The following FTO variants were observed in gnomAD, a reference collection of about 807,000 sequenced individuals.
FTO encodes alpha-ketoglutarate-dependent dioxygenase FTO.
In FTO, 47 loss-of-function variants were observed where a neutral mutation model predicts 63.9. The ratio of observed to expected loss-of-function variants is 0.74; its 90% CI spans 0.58 to 0.94. The LOEUF (loss-of-function observed/expected upper bound fraction) is 0.94. Ranked by LOEUF, FTO falls within the 40% of genes least tolerant of loss-of-function variation. The pLI is 0.00. For synonymous variants in FTO, 207 were observed against 224.4 expected (o/e 0.92, Z 0.69); for missense variants, 562 against 618.1 (o/e 0.91, Z 0.96).
intron 8 of FTO, among the ~76,000 whole-genome samples, chr16:53,936,859 G>A (rs2082402475): frequency 6.6e-6 from 1 of 152,202 alleles, no homozygotes; most frequent in South Asian, 2.1e-4. Context: ...AGCCGCCGCA[G>A]CTGGCAGTAA....
At chr16:53,886,759 A>G (rs2081008293) in intron 6 of FTO, among the ~76,000 whole-genome samples, 1 of 152,188 alleles carries the variant, frequency 6.6e-6, no homozygotes, top group African/African-American at 2.4e-5. Flanking sequence ...CATTTCCACC[A>G]TCGTTAAATC....
intron 7 of FTO, among the ~76,000 whole-genome samples, chr16:53,915,379 T>C (rs2081838373): frequency 6.6e-6 from 1 of 152,158 alleles, no homozygotes; most frequent in African/African-American, 2.4e-5. Context: ...ATAAATAGAG[T>C]ATCCTCCCAG....
intron 3 of FTO, among the ~76,000 whole-genome samples, chr16:53,836,209 T>C (rs118186690): frequency 0.022 from 3,354 of 152,268 alleles, 43 homozygotes; most frequent in Non-Finnish European, 0.031. Flanking sequence ...GAATTTTCAG[T>C]ATTGAAATAT....
At chr16:53,806,520 G>A (rs1337451113) in intron 1 of FTO, among the ~76,000 whole-genome samples, 1 of 152,172 alleles carries the variant, frequency 6.6e-6, no homozygotes, top group African/African-American at 2.4e-5. Context: ...CTTCTGGAGA[G>A]CTTTTTAGTT....
intron 1 of FTO, among the ~76,000 whole-genome samples, chr16:53,705,843 C>T (rs1165509516): frequency 6.6e-6 from 1 of 152,176 alleles, no homozygotes; most frequent in Non-Finnish European, 1.5e-5. Flanking sequence ...ATTTGTTGAG[C>T]ACCTATTATT....
chr16:53,925,069 TAA>T (rs763272865), intron 7 of FTO, among the ~76,000 whole-genome samples: 73 of 123,352 alleles, frequency 5.9e-4, no homozygotes, highest in Non-Finnish European at 5.8e-4. Context: ...CTTTTTTTTG[TAA>T]AAAAAAAAAA....
At chr16:53,824,021 G>T (rs1179273538) in intron 2 of FTO, among the ~76,000 whole-genome samples, 2 of 152,164 alleles carry the variant, frequency 1.3e-5, no homozygotes, top group Non-Finnish European at 2.9e-5. Flanking sequence ...TTTTAGTCCA[G>T]ACCATCACTT....
rs58121446 is a variant in FTO at position 53,909,532 on chromosome 16, C to CTTT, written c.1239+20609_1239+20611dup. The stretch of plus-strand genomic sequence containing the variant: ...GAAAAAGAGGGACAGAGAGCCCCGC[C>CTTT]TTTTTTTTTTTTTTTTTTTTTTTTT... On this transcript the variant is annotated intron_variant, in intron 7 of 8. Transcript: ENST00000471389. Among the ~76,000 whole-genome samples, 70 of 71,178 alleles carry CTTT rather than the reference C, an allele frequency of 9.8e-4. 4 individuals are homozygous for CTTT. The highest frequency in any genetic ancestry group is 4.0e-3 in the African/African-American group (58 of 14,544). The allele number at this position is 71,178 out of a possible 152,430, so 46.7% of individuals were successfully genotyped here.
intron 1 of FTO, among the ~76,000 whole-genome samples, chr16:53,742,913 A>G (rs991775206): frequency 6.6e-6 from 1 of 152,174 alleles, no homozygotes; most frequent in Non-Finnish European, 1.5e-5. Flanking sequence ...GGACAGGGGT[A>G]ACTGGAGCCC....
At chr16:53,909,567 CA>C (rs1420662906) in intron 7 of FTO, among the ~76,000 whole-genome samples, 4 of 48,100 alleles carry the variant, frequency 8.3e-5, no homozygotes, top group Admixed American at 5.7e-4. Flanking sequence ...TTTTTTGAGA[CA>C]GAGCCTTTTT....
chr16:54,021,670 A>G (rs2084605593), intron 8 of FTO, among the ~76,000 whole-genome samples: 1 of 151,988 alleles, frequency 6.6e-6, no homozygotes, highest in Non-Finnish European at 1.5e-5. Flanking sequence ...TTGTATTTTT[A>G]GTGGAGACAG....
chr16:53,786,508 A>T (rs969524310), intron 1 of FTO, among the ~76,000 whole-genome samples: 11 of 152,342 alleles, frequency 7.2e-5, no homozygotes, highest in South Asian at 2.1e-4. Context: ...ATGATCTCAA[A>T]TCTACTTTAT....
rs1319756778 is a variant in FTO at position 54,121,065 on chromosome 16, T to C, written c.*9150T>C. Reference sequence around the variant, plus strand: ...CATCCCCTGTTCTTATAAAGTTTTATTGGAACGCAGCCATGCTCATCGGTT... The same window carrying C: ...CATCCCCTGTTCTTATAAAGTTTTACTGGAACGCAGCCATGCTCATCGGTT... On this transcript the variant is annotated 3_prime_UTR_variant, in exon 9 of 9. Transcript: ENST00000471389. 1 of 152,510 alleles carries C rather than the reference T, an allele frequency of 6.6e-6. No homozygotes were observed. The highest frequency in any genetic ancestry group is 2.4e-5 in the African/African-American group (1 of 41,444). 9.4% of individuals were successfully genotyped at this position (152,510 alleles called of 1,614,324 possible). A position where few individuals can be genotyped will look rare whatever the true frequency, so the allele number is the denominator to read the frequency against.
intron 1 of FTO, among the ~76,000 whole-genome samples, chr16:53,728,556 G>A (rs909880687): frequency 1.3e-5 from 2 of 152,152 alleles, no homozygotes; most frequent in Admixed American, 6.5e-5. Flanking sequence ...GGTATCTGGA[G>A]AGAGAGACAA....
At chr16:53,780,306 C>T (rs2077556266) in intron 1 of FTO, among the ~76,000 whole-genome samples, 1 of 152,090 alleles carries the variant, frequency 6.6e-6, no homozygotes, top group Admixed American at 6.5e-5. Context: ...TTGGGACACT[C>T]TCTCCCCAGA....
At chr16:53,904,503 G>A (rs576780529) in intron 7 of FTO, among the ~76,000 whole-genome samples, 35 of 152,280 alleles carry the variant, frequency 2.3e-4, no homozygotes, top group East Asian at 3.9e-4. Flanking sequence ...GGACTTGTGC[G>A]TCAAATCAAC....
intron 4 of FTO, among the ~76,000 whole-genome samples, chr16:53,858,822 A>T (rs967433994): frequency 6.6e-6 from 1 of 151,542 alleles, no homozygotes. Context: ...CACCACGCCC[A>T]GCTGATTTTT....
At position 53,826,091 on chromosome 16, in the gene FTO, C is replaced by G; in HGVS notation, c.351C>G (p.Pro117=). Residue 117 remains proline (P), a synonymous_variant, in exon 3 of 9, where the codon CCC becomes CCG. Transcript: ENST00000471389. ...KYLNTRLFTV[P]WPVKGSNIKH... Reference sequence around the variant, plus strand: ...TGAACACCAGGCTCTTTACGGTCCCCTGGCCAGTGAAAGGGTCTAATATAA... The same window carrying G: ...TGAACACCAGGCTCTTTACGGTCCCGTGGCCAGTGAAAGGGTCTAATATAA... 1.9e-6 allele frequency: 3 copies of G among 1,614,178 alleles called. No homozygotes were observed. Among genetic ancestry groups the G allele is most frequent in the Non-Finnish European group, 2.5e-6 (3 of 1,180,040 alleles).
chr16:54,082,480 GT>G (rs1169427592), intron 8 of FTO, among the ~76,000 whole-genome samples: 1 of 152,214 alleles, frequency 6.6e-6, no homozygotes, highest in Admixed American at 6.5e-5. Flanking sequence ...AGATTAGGGA[GT>G]TACTCAAATT....
Sources: gnomAD v4.1 joint callset for allele counts (sites outside exome capture counted in the v4.1 genomes callset) on GRCh38, gnomAD v4.1.1 for gene constraint, MANE v1.5 for transcripts, NCBI Gene and HGNC (gene_info 2026-07-23, HGNC 2026-07-21) for gene names.